Variants in NRAP observed in about 807,000 individuals in gnomAD.
NRAP encodes the protein nebulin related anchoring protein, also known as nebulin-related-anchoring protein.
Under a neutral mutation model 225.9 loss-of-function variants are expected in NRAP, and 189 were observed. That is an observed-to-expected ratio of 0.84 (90% CI 0.74 to 0.94). The LOEUF (loss-of-function observed/expected upper bound fraction) is 0.94, where lower values mean the gene tolerates loss of function less well. NRAP is among the 40% of genes least tolerant of loss of function. The pLI is 0.00. For missense variants in NRAP, 2,176 were observed against 2,168.7 expected, an observed-to-expected ratio of 1.00 and a Z score of -0.07; for synonymous variants, 769 against 790.7, an observed-to-expected ratio of 0.97 and a Z score of 0.46.
chr10:113,643,032 A>G lies in NRAP; in HGVS notation c.1117T>C (p.Tyr373His), dbSNP rs1849297149. 6.5e-7 allele frequency: 1 copy of G among 1,537,576 alleles called. No homozygotes were observed. The highest frequency in any genetic ancestry group is 2.2e-5 in the East Asian group (1 of 44,494). Reference protein sequence around the residue: ...SVNKLVSEVEYKKDLESSRGH... With the variant: ...SVNKLVSEVEHKKDLESSRGH... ...CTACTACTTTCCAGATCCTTCTTAT[A>G]CTCCACCTTGGAAATCAAAACACCA... The change falls in exon 12 of 42, where the codon TAT becomes CAT. Residue 373 changes from tyrosine (Y) to histidine (H), a missense_variant. Tyr to His is a moderately conservative substitution (Grantham distance 83). Coordinates refer to ENST00000359988, the MANE Select transcript of NRAP (RefSeq NM_198060.4).
chr10:113,662,640 C>T, intron 3 of NRAP, 39 bp downstream of exon 3: 1 of 1,056,272 alleles, frequency 9.5e-7, no homozygotes, highest in Middle Eastern at 2.0e-4. Flanking sequence ...ACCAATCATT[C>T]TCCATACCCT....
At chr10:113,641,166 A>C (rs1413470124) in intron 13 of NRAP, among the ~76,000 whole-genome samples, 199 bp downstream of exon 13, 5 of 152,242 alleles carry the variant, frequency 3.3e-5, no homozygotes, top group African/African-American at 9.6e-5. Context: ...AAACAAATTG[A>C]AGCCTTTGAA....
chr10:113,633,223 T>C, intron 15 of NRAP, 35 bp from the exon 16 acceptor site: 2 of 1,239,420 alleles, frequency 1.6e-6, no homozygotes, highest in Non-Finnish European at 2.4e-6. Context: ...AGGGTTTTTA[T>C]ATGGGCAGAA....
chr10:113,614,909 C>A lies in NRAP; in HGVS notation c.3116G>T (p.Gly1039Val). The change falls in exon 28 of 42, where the codon GGT (glycine) becomes GTT (valine). Residue 1039 changes from glycine to valine, a missense_variant. Coordinates refer to ENST00000359988, the MANE Select transcript of NRAP (RefSeq NM_198060.4). ...GGCATCCAACCTCAGTTTATAGCCA[C>A]CATCTCGAAGTTTGCTCCAGGATTC... ...YKESWSKLRDGGYKLRLDALP... is the reference protein window; with the variant it reads ...YKESWSKLRDVGYKLRLDALP... 1 of 1,613,326 alleles carries A rather than the reference C, an allele frequency of 6.2e-7. No homozygotes were observed. Among genetic ancestry groups the A allele is most frequent in the Non-Finnish European group, 8.5e-7 (1 of 1,179,228 alleles).
intron 10 of NRAP, 55 bp from the exon 11 acceptor site, chr10:113,645,996 G>T: frequency 1.1e-6 from 1 of 890,802 alleles, no homozygotes; most frequent in Non-Finnish European, 1.7e-6. Context: ...GCTCTGGGAG[G>T]GGAATTACTC....
intron 29 of NRAP, among the ~76,000 whole-genome samples, chr10:113,613,609 T>C (rs1847459168): frequency 6.6e-6 from 1 of 151,784 alleles, no homozygotes; most frequent in Admixed American, 6.6e-5. Flanking sequence ...CTCCAGAGGG[T>C]CACAACCAAC....
In NRAP at chr10:113,605,630, A is replaced by G. The variant is rs142259424; in HGVS notation, c.3915+132T>C. ...TCAAAGAATCTCATTCATAACTAATATATTCTGCAGGTGACATCCTGTCTC... is the reference window on the plus strand; with the variant it reads ...TCAAAGAATCTCATTCATAACTAATGTATTCTGCAGGTGACATCCTGTCTC... On this transcript the variant is annotated intron_variant, in intron 34 of 41. Transcript: ENST00000359988. The G allele has an allele frequency of 3.6e-3, 2,400 of 675,216 alleles. 8 individuals carry two copies. The highest frequency in any genetic ancestry group is 5.0e-3 in the Non-Finnish European group (1,875 of 374,038). 41.8% of individuals were successfully genotyped at this position (675,216 alleles called of 1,614,324 possible).
In NRAP at chr10:113,631,491, G is replaced by A. The variant is rs770401947; in HGVS notation, c.1842+18C>T. 19 of 1,495,286 alleles carry A rather than the reference G, an allele frequency of 1.3e-5. No homozygotes were observed. Among genetic ancestry groups the A allele is most frequent in the Non-Finnish European group, 1.7e-5 (18 of 1,085,994 alleles). 92.6% of individuals were successfully genotyped at this position (1,495,286 alleles called of 1,614,324 possible). A position where few individuals can be genotyped will look rare whatever the true frequency, so the allele number is the denominator to read the frequency against. On this transcript the variant is annotated intron_variant, in intron 18 of 41. Coordinates refer to ENST00000359988, the MANE Select transcript of NRAP (RefSeq NM_198060.4). ...ACACAACTGTAAGTGAGAGGTTGGG[G>A]GTTAGAAAAGAGTTTACCTCACTGC...
At chr10:113,602,389 G>C (rs1846661400) in intron 35 of NRAP, among the ~76,000 whole-genome samples, 1 of 152,146 alleles carries the variant, frequency 6.6e-6, no homozygotes, top group Non-Finnish European at 1.5e-5. Context: ...TTGACAAGAG[G>C]GTCCCTGGTT....
At position 113,660,360 on chromosome 10, in the gene NRAP, C is replaced by T. The variant is rs7088603; in HGVS notation, c.255+2319G>A. Reference sequence around the variant, plus strand: ...TACATACACACATATACACACTCTCCGGATGCACACACACATATATATACA... The same window carrying T: ...TACATACACACATATACACACTCTCTGGATGCACACACACATATATATACA... On this transcript the variant is annotated intron_variant, in intron 3 of 41. Transcript: ENST00000359988. 7.2e-3 allele frequency among the ~76,000 whole-genome samples: 1,097 copies of T among 152,026 alleles called. 14 individuals carry two copies. The highest frequency in any genetic ancestry group is 0.025 in the African/African-American group (1,051 of 41,458).
At chr10:113,627,493 C>T (rs769188459) in intron 20 of NRAP, among the ~76,000 whole-genome samples, 3 of 152,306 alleles carry the variant, frequency 2.0e-5, no homozygotes, top group South Asian at 2.1e-4. Flanking sequence ...CCCTCTGCTA[C>T]ACCCCTGTCC....
intron 35 of NRAP, among the ~76,000 whole-genome samples, chr10:113,598,908 A>T (rs1846440884): frequency 6.6e-6 from 1 of 152,192 alleles, no homozygotes; most frequent in African/African-American, 2.4e-5. Context: ...ATGGTGCTTT[A>T]AGACAGTGGG....
chr10:113,597,229 C>G, intron 36 of NRAP, 45 bp from the exon 37 acceptor site: 1 of 1,229,604 alleles, frequency 8.1e-7, no homozygotes, highest in Non-Finnish European at 1.2e-6. Flanking sequence ...AGTCCAACAT[C>G]ATGCATCTTT....
chr10:113,647,852 T>C (rs1463230709), intron 9 of NRAP, among the ~76,000 whole-genome samples: 1 of 152,234 alleles, frequency 6.6e-6, no homozygotes, highest in African/African-American at 2.4e-5. Flanking sequence ...GATTATAATC[T>C]TTGTCTTAAT....
chr10:113,625,278 T>A (rs544262599), intron 21 of NRAP, among the ~76,000 whole-genome samples: 1 of 152,268 alleles, frequency 6.6e-6, no homozygotes, highest in East Asian at 1.9e-4. Flanking sequence ...GGGTTCAGAT[T>A]AGTACAGACT....
At chr10:113,608,934 G>A (rs1234477152) in intron 31 of NRAP, among the ~76,000 whole-genome samples, 1 of 152,128 alleles carries the variant, frequency 6.6e-6, no homozygotes, top group Non-Finnish European at 1.5e-5. Flanking sequence ...CAAGGCGGTG[G>A]GATCCCCTAA....
intron 39 of NRAP, among the ~76,000 whole-genome samples, chr10:113,591,169 T>C (rs1845963762): frequency 6.6e-6 from 1 of 152,236 alleles, no homozygotes; most frequent in African/African-American, 2.4e-5. Context: ...ATGTCTGGCA[T>C]CAGCTCTGGC....
chr10:113,589,599 G>GAAACA, intron 41 of NRAP, 67 bp downstream of exon 41: 1 of 1,552,606 alleles, frequency 6.4e-7, no homozygotes, highest in Non-Finnish European at 8.7e-7. Context: ...ACTTTGAAAA[G>GAAACA]AAACAATGAG....
At position 113,602,512 on chromosome 10, in the gene NRAP, A is replaced by G. The variant is rs147801010; in HGVS notation, c.4227+2097T>C. Among the ~76,000 whole-genome samples the G allele has an allele frequency of 1.4e-3, 209 of 152,224 alleles. 2 individuals are homozygous for G. The Middle Eastern group carries it at 0.02, about 15-fold the overall frequency. On this transcript the variant is annotated intron_variant, in intron 35 of 41. Transcript: ENST00000359988. ...TGGCACTTTAGTAACTAAATCCCCTATGTGGGACCCAGATGAAGGCACCCT... is the reference window on the plus strand; with the variant it reads ...TGGCACTTTAGTAACTAAATCCCCTGTGTGGGACCCAGATGAAGGCACCCT...
Sources: gnomAD v4.1 joint callset for allele counts (sites outside exome capture counted in the v4.1 genomes callset) on GRCh38, gnomAD v4.1.1 for gene constraint, MANE v1.5 for transcripts, NCBI Gene and HGNC (gene_info 2026-07-23, HGNC 2026-07-21) for gene names.